The following ERCC8 variants were observed in gnomAD, a reference collection of about 807,000 sequenced individuals.
ERCC8 encodes DNA excision repair protein ERCC-8.
Under a neutral mutation model 54.9 loss-of-function variants are expected in ERCC8, and 52 were observed. That is an observed-to-expected ratio of 0.95 (90% CI 0.76 to 1.19). ERCC8 has a LOEUF of 1.19. ERCC8 is among the 50% of genes most tolerant of loss of function. The pLI is 0.00. For synonymous variants in ERCC8, 146 were observed against 157.2 expected (o/e 0.93, Z 0.53); for missense variants, 514 against 466.1 (o/e 1.10, Z -0.95).
chr5:60,898,765 T>C (rs1260587418), intron 8 of ERCC8, among the ~76,000 whole-genome samples: 1 of 143,990 alleles, frequency 6.9e-6, no homozygotes, highest in Non-Finnish European at 1.5e-5. Flanking sequence ...CTATGGACTA[T>C]TAAAATCAAT....
At chr5:60,908,260 A>G (rs1749137816) in intron 4 of ERCC8, among the ~76,000 whole-genome samples, 1 of 152,044 alleles carries the variant, frequency 6.6e-6, no homozygotes, top group African/African-American at 2.4e-5. Flanking sequence ...TATACTTACA[A>G]GGTTGAGCAT....
At chr5:60,914,472 CTA>C (rs780598708) in intron 4 of ERCC8, among the ~76,000 whole-genome samples, 5 of 151,714 alleles carry the variant, frequency 3.3e-5, no homozygotes, top group Non-Finnish European at 5.9e-5. Context: ...TATTTTGAGC[CTA>C]TGTGTGTCAG....
At chr5:60,927,575 C>A (rs1399979606) in intron 2 of ERCC8, among the ~76,000 whole-genome samples, 1 of 152,178 alleles carries the variant, frequency 6.6e-6, no homozygotes, top group Middle Eastern at 3.2e-3. Context: ...ACCAACTCTG[C>A]CAACTGGTAG....
intron 4 of ERCC8, chr5:60,917,883 T>C (rs537867904): frequency 4.9e-6 from 1 of 203,362 alleles, no homozygotes; most frequent in East Asian, 1.2e-4. Context: ...TCCAATTTTC[T>C]ACTTTAGATT....
chr5:60,925,965 G>C (rs980727264), intron 2 of ERCC8, among the ~76,000 whole-genome samples: 4 of 152,022 alleles, frequency 2.6e-5, no homozygotes, highest in African/African-American at 9.6e-5. Context: ...CTGGGATTAC[G>C]GGCACGCGCC....
chr5:60,879,177 T>C (rs1748119417), intron 11 of ERCC8, among the ~76,000 whole-genome samples: 1 of 152,178 alleles, frequency 6.6e-6, no homozygotes, highest in Admixed American at 6.5e-5. Context: ...AGTTGAGCGG[T>C]TTTGAGTGAG....
intron 8 of ERCC8, 105 bp from the exon 9 acceptor site, chr5:60,898,505 TA>T: frequency 7.8e-7 from 1 of 1,289,552 alleles, no homozygotes; most frequent in Non-Finnish European, 1.1e-6. Flanking sequence ...TTGAGTTACT[TA>T]AAAAATGTAA....
At chr5:60,938,050 T>TAC (rs1225049722) in intron 1 of ERCC8, among the ~76,000 whole-genome samples, 188 of 11,532 alleles carry the variant, frequency 0.016, 1 homozygote, top group East Asian at 0.032. Context: ...CATACATACA[T>TAC]ATATATATAT....
At chr5:60,911,099 A>T (rs1275045090) in intron 4 of ERCC8, among the ~76,000 whole-genome samples, 2 of 152,116 alleles carry the variant, frequency 1.3e-5, no homozygotes, top group East Asian at 3.8e-4. Flanking sequence ...TCTAGGGTAC[A>T]TGTGACAACG....
chr5:60,943,486 A>C (rs972253953), intron 1 of ERCC8, among the ~76,000 whole-genome samples: 3 of 152,188 alleles, frequency 2.0e-5, no homozygotes, highest in African/African-American at 7.2e-5. Context: ...CTTCTTTCAA[A>C]GTCTATGGGT....
chr5:60,908,583 A>ATATTT (rs527918086), intron 4 of ERCC8, among the ~76,000 whole-genome samples: 8 of 141,892 alleles, frequency 5.6e-5, no homozygotes, highest in Non-Finnish European at 7.6e-5. Flanking sequence ...ATATATATAT[A>ATATTT]TTTTTTTTTT....
At chr5:60,891,412 A>G (rs983657902) in intron 9 of ERCC8, among the ~76,000 whole-genome samples, 5 of 152,202 alleles carry the variant, frequency 3.3e-5, no homozygotes, top group Non-Finnish European at 1.5e-5. Flanking sequence ...CAAGTGAGGT[A>G]AACATGTTGG....
intron 4 of ERCC8, among the ~76,000 whole-genome samples, chr5:60,916,792 A>ATTACTTTTTAGTATGTGGCCAG (rs1749449535): frequency 6.6e-6 from 1 of 151,976 alleles, no homozygotes; most frequent in Non-Finnish European, 1.5e-5. Flanking sequence ...TCATGATTTT[A>ATTACTTTTTAGTATGTGGCCAG]TTACTTTTTA....
intron 4 of ERCC8, among the ~76,000 whole-genome samples, chr5:60,912,449 G>A (rs1749297176): frequency 6.6e-6 from 1 of 152,130 alleles, no homozygotes; most frequent in Non-Finnish European, 1.5e-5. Flanking sequence ...TTTGTATCCT[G>A]AGACTTTGCT....
chr5:60,879,558 T>C (rs1218224280), intron 11 of ERCC8, among the ~76,000 whole-genome samples: 2 of 152,248 alleles, frequency 1.3e-5, no homozygotes, highest in African/African-American at 2.4e-5. Context: ...TGCTCCTGTA[T>C]TGGGTGCATA....
chr5:60,869,685 T>C lies in ERCC8; in HGVS notation c.*4930A>G, dbSNP rs1747823036. On this transcript the variant is annotated 3_prime_UTR_variant, in exon 12 of 12. Transcript: ENST00000676185. ...AAAGAGAGGTCAAGCTGATCTACGA[T>C]GTGATTTTTTAGGCTTCTGGTTAAA... 1.3e-5 allele frequency among the ~76,000 whole-genome samples: 2 copies of C among 152,180 alleles called. No individual in the cohort carries two copies. The highest frequency in any genetic ancestry group is 4.1e-4 in the South Asian group (2 of 4,838).
At chr5:60,912,600 T>C (rs1749302486) in intron 4 of ERCC8, among the ~76,000 whole-genome samples, 1 of 152,150 alleles carries the variant, frequency 6.6e-6, no homozygotes, top group Non-Finnish European at 1.5e-5. Flanking sequence ...TCTTGCCTGA[T>C]TGCCCTGGCC....
intron 1 of ERCC8, among the ~76,000 whole-genome samples, chr5:60,941,270 T>C (rs1278357584): frequency 2.0e-5 from 3 of 152,208 alleles, no homozygotes; most frequent in African/African-American, 7.2e-5. Flanking sequence ...ATTTTAGTTT[T>C]CAATATAAAA....
intron 4 of ERCC8, among the ~76,000 whole-genome samples, chr5:60,912,007 G>A (rs1285029838): frequency 6.6e-6 from 1 of 151,704 alleles, no homozygotes; most frequent in Non-Finnish European, 1.5e-5. Context: ...TGGTAGTACA[G>A]TTTGAAGTCA....
Sources: allele counts gnomAD v4.1 joint callset (sites outside exome capture counted in the v4.1 genomes callset), GRCh38; gene constraint gnomAD v4.1.1; transcripts MANE v1.5; gene names NCBI Gene and HGNC (gene_info 2026-07-23, HGNC 2026-07-21).